WNT11: variants seen among roughly 807,000 people sequenced by gnomAD.
The protein encoded by WNT11 is protein Wnt-11.
In WNT11, 20 loss-of-function variants were observed where a neutral mutation model predicts 35.6. The observed-to-expected ratio is 0.56, with a 90% CI of 0.40 to 0.82. The LOEUF (loss-of-function observed/expected upper bound fraction) is 0.82. Ranked by LOEUF, WNT11 falls within the 40% of genes least tolerant of loss-of-function variation. The pLI is 0.00. For synonymous variants in WNT11, 200 were observed against 211.9 expected, an observed-to-expected ratio of 0.94 and a Z score of 0.49; for missense variants, 459 against 504.4, an observed-to-expected ratio of 0.91 and a Z score of 0.86.
chr11:76,208,230 A>G (rs1386114680), upstream of WNT11, among the ~76,000 whole-genome samples: 1 of 152,238 alleles, frequency 6.6e-6, no homozygotes, highest in Non-Finnish European at 1.5e-5. Flanking sequence ...GCGCGTGGGT[A>G]GTCAGCACGC....
intron 4 of WNT11, among the ~76,000 whole-genome samples, chr11:76,190,363 C>T (rs890492971): frequency 2.6e-5 from 4 of 152,130 alleles, no homozygotes; most frequent in Non-Finnish European, 4.4e-5. Flanking sequence ...TACCTCAGCC[C>T]AGCCTCTGGC....
intron 1 of WNT11, among the ~76,000 whole-genome samples, chr11:76,200,696 C>T (rs1398508532): frequency 6.6e-6 from 1 of 152,226 alleles, no homozygotes; most frequent in African/African-American, 2.4e-5. Context: ...TGGGTCCCCA[C>T]TCTGCTTTGC....
At chr11:76,203,510 C>A (rs942504923) in intron 1 of WNT11, among the ~76,000 whole-genome samples, 1 of 152,216 alleles carries the variant, frequency 6.6e-6, no homozygotes, top group Non-Finnish European at 1.5e-5. Flanking sequence ...CCCAGGAAAG[C>A]CAAGAAGGGG....
At position 76,186,628 on chromosome 11, in the gene WNT11, A is replaced by T. The variant is rs1953097128; in HGVS notation, c.*437T>A. The T allele has an allele frequency of 3.7e-6, 1 of 266,858 alleles. No homozygotes were observed. Among genetic ancestry groups the T allele is most frequent in the Non-Finnish European group, 7.6e-6 (1 of 132,078 alleles). 16.5% of individuals were successfully genotyped at this position (266,858 alleles called of 1,614,324 possible). A position where few individuals can be genotyped will look rare whatever the true frequency, so the allele number is the denominator to read the frequency against. On this transcript the variant is annotated 3_prime_UTR_variant, in exon 5 of 5. Transcript: ENST00000322563. ...AACAAAAGAAAACATTTACAACCCA[A>T]GCTAGTGATTCCATGTGGTGGGCCC...
At chr11:76,205,624 C>T (rs1456583389) in intron 1 of WNT11, among the ~76,000 whole-genome samples, 1 of 152,158 alleles carries the variant, frequency 6.6e-6, no homozygotes, top group African/African-American at 2.4e-5. Context: ...GCAGCTCCTC[C>T]GGGAAGGGGC....
intron 1 of WNT11, among the ~76,000 whole-genome samples, chr11:76,202,551 C>A (rs908238833): frequency 3.9e-5 from 6 of 151,956 alleles, no homozygotes; most frequent in Non-Finnish European, 7.4e-5. Flanking sequence ...CAGCCTCTCC[C>A]CAGGCTTCCG....
intron 1 of WNT11, among the ~76,000 whole-genome samples, chr11:76,200,369 C>T (rs1953356104): frequency 2.0e-5 from 3 of 152,350 alleles, no homozygotes; most frequent in Non-Finnish European, 4.4e-5. Flanking sequence ...CTGAACCCTG[C>T]CTTACTTCCT....
Position 76,206,330 on chromosome 11 carries a change from C to G in WNT11, c.78G>C (p.Lys26Asn), listed in dbSNP as rs1020429252. ...ALQTGVCYGI[K>N]WLALSKTPSA... ...GACGCGGGGTCCCTACTCACAGCCA[C>G]TTGATGCCATAGCACACGCCGGTCT... is the stretch of plus-strand genomic sequence containing the variant. Residue 26 changes from lysine (K) to asparagine (N), a missense_variant, in exon 1 of 5, where the codon AAG becomes AAC. By Grantham distance (94) the Lys-to-Asn change is moderately conservative (BLOSUM62 0). Coordinates refer to ENST00000322563, the MANE Select transcript of WNT11 (RefSeq NM_004626.3). 5 of 1,565,212 alleles carry G rather than the reference C, an allele frequency of 3.2e-6. No individual in the cohort carries two copies. The highest frequency in any genetic ancestry group is 1.4e-5 in the African/African-American group (1 of 72,422).
chr11:76,201,175 C>T (rs1591310079), intron 1 of WNT11, among the ~76,000 whole-genome samples: 3 of 152,322 alleles, frequency 2.0e-5, no homozygotes, highest in East Asian at 1.9e-4. Flanking sequence ...ACTCCCCAGG[C>T]GGCCCAAGGG....
At chr11:76,204,847 A>C (rs896084310) in intron 1 of WNT11, among the ~76,000 whole-genome samples, 19 of 151,938 alleles carry the variant, frequency 1.3e-4, no homozygotes, top group Admixed American at 1.2e-3. Flanking sequence ...CAGGACTCTT[A>C]TGGGCGGCAA....
chr11:76,196,582 G>A lies in WNT11; in HGVS notation c.220C>T (p.Arg74Cys), dbSNP rs771526822. The change falls in exon 2 of 5, where the codon CGC becomes TGC. Residue 74 changes from arginine to cysteine, a missense_variant. By Grantham distance (180) the Arg-to-Cys change is radical. Transcript: ENST00000322563. ...CGGCGACAGGCCTTCATGACCTCGC[G>A]GGCGGCGTGCACCACCGTGTGCATG... ...ELMHTVVHAAREVMKACRRAF... is the reference protein window; with the variant it reads ...ELMHTVVHAACEVMKACRRAF... 3.1e-6 allele frequency: 5 copies of A among 1,613,508 alleles called. No homozygotes were observed. The highest frequency in any genetic ancestry group is 1.7e-5 in the Admixed American group (1 of 60,012).
intron 4 of WNT11, among the ~76,000 whole-genome samples, chr11:76,189,101 T>C (rs1265855499): frequency 6.6e-6 from 1 of 152,252 alleles, no homozygotes; most frequent in Non-Finnish European, 1.5e-5. Context: ...TGCCACTTAG[T>C]GGCTGTGTGA....
chr11:76,196,771 G>A, intron 1 of WNT11, 53 bp from the exon 2 acceptor site: 1 of 1,517,794 alleles, frequency 6.6e-7, no homozygotes, highest in Non-Finnish European at 8.9e-7. Flanking sequence ...GGGTTGTCAG[G>A]GGCCACATGG....
chr11:76,203,057 C>T (rs888314540), intron 1 of WNT11, among the ~76,000 whole-genome samples: 7 of 152,218 alleles, frequency 4.6e-5, no homozygotes, highest in African/African-American at 7.2e-5. Context: ...AGAAACCAAA[C>T]GGCAGCTGCC....
At chr11:76,188,140 C>G (rs1953126264) in intron 4 of WNT11, among the ~76,000 whole-genome samples, 1 of 152,248 alleles carries the variant, frequency 6.6e-6, no homozygotes, top group Admixed American at 6.5e-5. Flanking sequence ...ATCAGACACG[C>G]TGCTCGTGGA....
In WNT11 at chr11:76,191,740, C is replaced by G. The variant is rs762465797; in HGVS notation, c.714G>C (p.Lys238Asn). ...CCTTGGTGGCCGACAGGTATCGGGTCTTGAGGTCAGCAGCCACATCCTGCA... is the reference window on the plus strand; with the variant it reads ...CCTTGGTGGCCGACAGGTATCGGGTGTTGAGGTCAGCAGCCACATCCTGCA... The part of the protein sequence containing the change: ...QELQDVAADL[K>N]TRYLSATKVV... The change falls in exon 4 of 5, where the codon AAG becomes AAC. Residue 238 changes from lysine (K) to asparagine (N), a missense_variant. By Grantham distance (94) the Lys-to-Asn change is moderately conservative. Transcript: ENST00000322563. 4.3e-6 allele frequency: 7 copies of G among 1,613,588 alleles called. No individual in the cohort carries two copies. In the South Asian group the frequency reaches 7.7e-5, roughly 18 times the overall value.
intron 1 of WNT11, among the ~76,000 whole-genome samples, chr11:76,202,132 A>T (rs1417494152): frequency 6.6e-6 from 1 of 152,202 alleles, no homozygotes; most frequent in Non-Finnish European, 1.5e-5. Flanking sequence ...AGGCTTCGGC[A>T]GAGCTGGGCT....
intron 1 of WNT11, among the ~76,000 whole-genome samples, chr11:76,205,613 C>T (rs560585350): frequency 6.6e-6 from 1 of 152,162 alleles, no homozygotes; most frequent in Non-Finnish European, 1.5e-5. Context: ...CAACTTAGAG[C>T]GCAGCTCCTC....
chr11:76,209,312 C>T (rs1953522708), upstream of WNT11, among the ~76,000 whole-genome samples: 1 of 147,420 alleles, frequency 6.8e-6, no homozygotes, highest in Non-Finnish European at 1.5e-5. Context: ...AGCGCAGCGC[C>T]GCAGCCCAGC....
Sources: allele counts gnomAD v4.1 joint callset (sites outside exome capture counted in the v4.1 genomes callset), GRCh38; gene constraint gnomAD v4.1.1; transcripts MANE v1.5; gene names NCBI Gene and HGNC (gene_info 2026-07-23, HGNC 2026-07-21).